PDE9A: variants seen among roughly 807,000 people sequenced by gnomAD.
PDE9A encodes phosphodiesterase 9A.
PDE9A carries 60 observed loss-of-function variants against 87.4 expected under a neutral mutation model. The ratio of observed to expected loss-of-function variants is 0.69; its 90% CI spans 0.56 to 0.85. PDE9A has a LOEUF of 0.85. Ranked by LOEUF, PDE9A falls within the 40% of genes least tolerant of loss-of-function variation. The pLI is 0.00. For synonymous variants in PDE9A, 272 were observed against 279.4 expected (o/e 0.97, Z 0.27); for missense variants, 665 against 779.0 (o/e 0.85, Z 1.74).
chr21:42,724,386 G>T (rs2050824752), intron 4 of PDE9A, among the ~76,000 whole-genome samples: 1 of 152,346 alleles, frequency 6.6e-6, no homozygotes, highest in South Asian at 2.1e-4. Flanking sequence ...TGAAATCACA[G>T]TTGTTTTAAG....
chr21:42,671,427 A>G (rs2058556185), intron 1 of PDE9A, among the ~76,000 whole-genome samples: 1 of 152,256 alleles, frequency 6.6e-6, no homozygotes, highest in South Asian at 2.1e-4. Flanking sequence ...GGAAAAGGAA[A>G]TGAGGCTGAA....
chr21:42,719,716 T>C (rs2050299727), intron 4 of PDE9A, among the ~76,000 whole-genome samples: 1 of 152,108 alleles, frequency 6.6e-6, no homozygotes, highest in Non-Finnish European at 1.5e-5. Context: ...GTAGATGTAC[T>C]ATTGTGTATC....
In PDE9A at chr21:42,659,905, A is replaced by G. The variant is rs2057357416; in HGVS notation, c.69+6022A>G. Among the ~76,000 whole-genome samples, 1 of 152,206 alleles carries G rather than the reference A, an allele frequency of 6.6e-6. No individual in the cohort carries two copies. ...AGGAAGGGCACACTGTCCCCGTCAG[A>G]CGCCTCAGATGAACTGACATGCAAA... is the stretch of plus-strand genomic sequence containing the variant. On this transcript the variant is annotated intron_variant, in intron 1 of 19. Coordinates refer to ENST00000291539, the MANE Select transcript of PDE9A (RefSeq NM_002606.3). This position sits in a 1 kb window ranked among gnomAD's most constrained non-coding sequence, Gnocchi z 4.1.
chr21:42,655,846 G>C (rs2057022215), intron 1 of PDE9A, among the ~76,000 whole-genome samples: 1 of 145,510 alleles, frequency 6.9e-6, no homozygotes, highest in Admixed American at 7.1e-5. Flanking sequence ...GAGGTCTGTT[G>C]CTTGCTCCTG....
chr21:42,771,179 G>A (rs1371612948), intron 18 of PDE9A, among the ~76,000 whole-genome samples: 2 of 152,222 alleles, frequency 1.3e-5, no homozygotes, highest in Non-Finnish European at 2.9e-5. Flanking sequence ...GACTTGTTCA[G>A]AGGAGGCCAT....
chr21:42,773,077 C>T (rs1320935538), intron 19 of PDE9A, among the ~76,000 whole-genome samples: 1 of 150,600 alleles, frequency 6.6e-6, no homozygotes, highest in Non-Finnish European at 1.5e-5. Context: ...GCTTGGCCAA[C>T]ATGGTGAAAC....
chr21:42,769,476 AGGT>A (rs1460398509), intron 17 of PDE9A, among the ~76,000 whole-genome samples: 4 of 8,910 alleles, frequency 4.5e-4, no homozygotes, highest in Non-Finnish European at 1.1e-3. Context: ...ATGTGCATGC[AGGT>A]ACACATGCAC....
chr21:42,696,995 C>G lies in PDE9A; in HGVS notation c.219-1973C>G, dbSNP rs1485562993. On this transcript the variant is annotated intron_variant, in intron 3 of 19. Coordinates refer to ENST00000291539, the MANE Select transcript of PDE9A (RefSeq NM_002606.3). The surrounding 1 kb of genome is among the most constrained non-coding windows in gnomAD (Gnocchi z 5.1). Reference sequence around the variant, plus strand: ...AAATGAGCCCTCCAGTGCCAAATGACCCACCACTAAAAGGCCTTTTGAGGC... The same window carrying G: ...AAATGAGCCCTCCAGTGCCAAATGAGCCACCACTAAAAGGCCTTTTGAGGC... Among the ~76,000 whole-genome samples, 1 of 152,212 alleles carries G rather than the reference C, an allele frequency of 6.6e-6. No individual in the cohort carries two copies. Among genetic ancestry groups the G allele is most frequent in the Non-Finnish European group, 1.5e-5 (1 of 68,028 alleles).
rs1329445514 is a variant in PDE9A, at chr21:42,698,951, T to C, written c.219-17T>C. The C allele has an allele frequency of 1.2e-6, 2 of 1,607,644 alleles. No homozygotes were observed. The highest frequency in any genetic ancestry group is 1.1e-5 in the South Asian group (1 of 90,716). On this transcript the variant is annotated splice_polypyrimidine_tract_variant and intron_variant, in intron 3 of 19. Transcript: ENST00000291539. ...GCCTTGCAGAGTCTCACAGCGGCAC[T>C]GTCTTCTCTTTTGCAGCACTCCGTA...
At chr21:42,707,464 GAC>G (rs544127368) in intron 4 of PDE9A, among the ~76,000 whole-genome samples, 114 of 152,300 alleles carry the variant, frequency 7.5e-4, no homozygotes, top group African/African-American at 2.7e-3. Context: ...TCCACAGTGG[GAC>G]CAATCTCTGA....
rs1319463303 is a variant in PDE9A, at chr21:42,722,228, A to G, written c.263-9542A>G. Among the ~76,000 whole-genome samples, 2 of 152,120 alleles carry G rather than the reference A, an allele frequency of 1.3e-5. No homozygotes were observed. The highest frequency in any genetic ancestry group is 4.8e-5 in the African/African-American group (2 of 41,424). The stretch of plus-strand genomic sequence containing the variant: ...TCTGACCTCATGATCCGCCCACCTC[A>G]GCCTCCAGAAGTGCTGAGATTACAG... On this transcript the variant is annotated intron_variant, in intron 4 of 19. Coordinates refer to ENST00000291539, the MANE Select transcript of PDE9A (RefSeq NM_002606.3). This position sits in a 1 kb window ranked among gnomAD's most constrained non-coding sequence, Gnocchi z 4.1.
Position 42,751,307 on chromosome 21 carries a change from C to T in PDE9A, c.735+110C>T, listed in dbSNP as rs1176560622. On this transcript the variant is annotated intron_variant, in intron 9 of 19. Transcript: ENST00000291539. ...CTGTGTGTACGTTCACATCAACCGC[C>T]CCTCCCAGCCCTGGGCCGCTGACGG... The T allele has an allele frequency of 3.8e-6, 3 of 796,896 alleles. No individual in the cohort carries two copies. In the African/African-American group the frequency reaches 5.1e-5, roughly 14 times the overall value. The allele number at this position is 796,896 out of a possible 1,614,324, so 49.4% of individuals were successfully genotyped here. A position where few individuals can be genotyped will look rare whatever the true frequency, so the allele number is the denominator to read the frequency against.
chr21:42,770,808 ACT>A lies in PDE9A; in HGVS notation c.1686+11_1686+12del. 1.2e-6 allele frequency: 2 copies of A among 1,602,998 alleles called. No homozygotes were observed. Among genetic ancestry groups the A allele is most frequent in the Non-Finnish European group, 1.7e-6 (2 of 1,169,932 alleles). On this transcript the variant is annotated intron_variant, in intron 18 of 19. Transcript: ENST00000291539. Reference sequence around the variant, plus strand: ...TGACGCCATGAAAGAGGTAAAACACACTGAGAAGAGCCTGCCTTCCTTGCGGC... The same window carrying A: ...TGACGCCATGAAAGAGGTAAAACACAGAGAAGAGCCTGCCTTCCTTGCGGC...
Position 42,722,808 on chromosome 21 carries a change from A to G in PDE9A, c.263-8962A>G, listed in dbSNP as rs1163244952. Among the ~76,000 whole-genome samples the G allele has an allele frequency of 6.6e-6, 1 of 152,252 alleles. No homozygotes were observed. Among genetic ancestry groups the G allele is most frequent in the East Asian group, 1.9e-4 (1 of 5,198 alleles). The stretch of plus-strand genomic sequence containing the variant: ...ACTTATTGTTACACTAATTTTTAGA[A>G]TCAGAATTATGGGTCAGGCTGTGCT... On this transcript the variant is annotated intron_variant, in intron 4 of 19. Transcript: ENST00000291539. The surrounding 1 kb of genome is among the most constrained non-coding windows in gnomAD (Gnocchi z 4.1).
intron 4 of PDE9A, among the ~76,000 whole-genome samples, chr21:42,721,546 T>A (rs937661664): frequency 6.6e-6 from 1 of 152,234 alleles, no homozygotes; most frequent in Admixed American, 6.5e-5. Context: ...TCCTGGGCTA[T>A]AAAGGAAATG....
chr21:42,772,415 G>T lies in PDE9A; in HGVS notation c.1687-24G>T, dbSNP rs1025059701. On this transcript the variant is annotated intron_variant, in intron 18 of 19. Coordinates refer to ENST00000291539, the MANE Select transcript of PDE9A (RefSeq NM_002606.3). ...CCTGCTGTCTCCTGCTCCCTGACTT[G>T]GCCTTCTCTGTACTCTGTTCCAGTT... 20 of 1,539,132 alleles carry T rather than the reference G, an allele frequency of 1.3e-5. No homozygotes were observed. In the East Asian group the frequency reaches 4.3e-4, roughly 33 times the overall value.
chr21:42,743,722 A>T, intron 7 of PDE9A, 54 bp from the exon 8 acceptor site: 1 of 1,144,590 alleles, frequency 8.7e-7, no homozygotes, highest in East Asian at 2.6e-5. Context: ...GCCTTGAGAG[A>T]TCCTCCACAT....
intron 4 of PDE9A, among the ~76,000 whole-genome samples, chr21:42,715,634 A>G (rs2049841450): frequency 6.6e-6 from 1 of 151,746 alleles, no homozygotes; most frequent in South Asian, 2.1e-4. Flanking sequence ...AAGAAAAAAA[A>G]AAGACTGTAC....
At chr21:42,706,540 A>C (rs2048848550) in intron 4 of PDE9A, among the ~76,000 whole-genome samples, 1 of 151,952 alleles carries the variant, frequency 6.6e-6, no homozygotes. Context: ...AGCTACTTGG[A>C]AGGCTGAGGC....
Sources: gnomAD v4.1 joint callset for allele counts (sites outside exome capture counted in the v4.1 genomes callset) on GRCh38, gnomAD v4.1.1 for gene constraint, Gnocchi (gnomAD v3.1) non-coding constraint, MANE v1.5 for transcripts, NCBI Gene and HGNC (gene_info 2026-07-23, HGNC 2026-07-21) for gene names.